The following MIA2 variants were observed in gnomAD, a reference collection of about 807,000 sequenced individuals.
The protein encoded by MIA2 is MIA SH3 domain ER export factor 2.
A neutral mutation model predicts 167.8 loss-of-function variants in MIA2; 127 were observed. The observed-to-expected ratio is 0.76, with a 90% CI of 0.66 to 0.88. MIA2 has a LOEUF of 0.88. Ranked by LOEUF, MIA2 falls within the 40% of genes least tolerant of loss-of-function variation. MIA2 has a pLI of 0.00. For missense variants in MIA2, 1,690 were observed against 1,624.7 expected, an observed-to-expected ratio of 1.04 and a Z score of -0.69; for synonymous variants, 552 against 541.9, an observed-to-expected ratio of 1.02 and a Z score of -0.26.
chr14:39,262,898 G>T (rs992492920), intron 6 of MIA2, among the ~76,000 whole-genome samples: 1 of 152,158 alleles, frequency 6.6e-6, no homozygotes, highest in African/African-American at 2.4e-5. Flanking sequence ...TTGCTTATCA[G>T]CTTAAGGAGA....
chr14:39,307,300 G>A (rs753740907), intron 17 of MIA2, among the ~76,000 whole-genome samples: 6 of 151,794 alleles, frequency 4.0e-5, no homozygotes, highest in Non-Finnish European at 7.4e-5. Flanking sequence ...GAACTTTAGT[G>A]GCGTTTAGCT....
At chr14:39,323,902 A>G (rs911034350) in intron 24 of MIA2, among the ~76,000 whole-genome samples, 1 of 152,228 alleles carries the variant, frequency 6.6e-6, no homozygotes, top group African/African-American at 2.4e-5. Flanking sequence ...CCATTTGTTT[A>G]AAAAGCTACA....
At chr14:39,378,715 C>T (rs1219183947) in intron 23 of MIA2, among the ~76,000 whole-genome samples, 1 of 151,996 alleles carries the variant, frequency 6.6e-6, no homozygotes, top group Non-Finnish European at 1.5e-5. Flanking sequence ...AAATGCAGTC[C>T]AAAGAAGGCT....
intron 6 of MIA2, among the ~76,000 whole-genome samples, chr14:39,264,137 C>A (rs1437704035): frequency 3.9e-5 from 6 of 152,236 alleles, no homozygotes; most frequent in African/African-American, 1.2e-4. Context: ...GTTTATTTTT[C>A]TCATCTTTAT....
At chr14:39,292,611 A>AT (rs1438855920) in intron 10 of MIA2, 96 of 256,782 alleles carry the variant, frequency 3.7e-4, no homozygotes, top group Admixed American at 1.8e-3. Flanking sequence ...TGTAGTATGT[A>AT]TTTTTTTTGC....
intron 10 of MIA2, chr14:39,292,594 A>C (rs942709434): frequency 5.3e-6 from 1 of 189,560 alleles, no homozygotes; most frequent in African/African-American, 2.4e-5. Context: ...TTTTTAAATC[A>C]CTGTAATGTA....
chr14:39,330,248 G>C (rs1190795552), intron 25 of MIA2, among the ~76,000 whole-genome samples: 1 of 152,066 alleles, frequency 6.6e-6, no homozygotes, highest in Admixed American at 6.6e-5. Context: ...TTTCTAGTTT[G>C]TTCACATGGA....
intron 9 of MIA2, 39 bp from the exon 10 acceptor site, chr14:39,290,980 A>G (rs777330091): frequency 5.2e-6 from 8 of 1,540,142 alleles, no homozygotes; most frequent in South Asian, 2.3e-5. Flanking sequence ...TTAGAATACA[A>G]TTGGTAGAGT....
Position 39,279,348 on chromosome 14 carries a change from G to A in MIA2, c.2031G>A (p.Arg677=). The A allele has an allele frequency of 6.2e-7, 1 of 1,607,960 alleles. No individual in the cohort carries two copies. The highest frequency in any genetic ancestry group is 8.5e-7 in the Non-Finnish European group (1 of 1,178,472). Residue 677 remains arginine (R), a synonymous_variant, in exon 8 of 29, where the codon CGG becomes CGA. Transcript: ENST00000640607. ...LWRSFRSVRS[R]LYVGREKKLA... ...AAAATTTGTTTCAGGTTAGGAGTCG[G>A]CTTTATGTGGGTAAGTTCTTTTTTC...
rs2054380804 is a variant in MIA2 at position 39,247,846 on chromosome 14, A to G, written c.1272A>G (p.Glu424=). The G allele has an allele frequency of 6.3e-7, 1 of 1,589,420 alleles. No homozygotes were observed. Among genetic ancestry groups the G allele is most frequent in the South Asian group, 1.2e-5 (1 of 85,234 alleles). The change falls in exon 4 of 29, where the codon GAA becomes GAG. Residue 424 remains glutamate (E), a synonymous_variant. Coordinates refer to ENST00000640607, the MANE Select transcript of MIA2 (RefSeq NM_001329214.4). The part of the protein sequence containing the change: ...PLTSELDPEK[E]QEIETIKIIE... Reference sequence around the variant, plus strand: ...CAAGTGAATTAGACCCTGAAAAAGAACAAGAAATAGAAACGATAAAAATTA... The same window carrying G: ...CAAGTGAATTAGACCCTGAAAAAGAGCAAGAAATAGAAACGATAAAAATTA...
rs1253155735 is a variant in MIA2, at chr14:39,345,966, G to A, written c.3718G>A (p.Gly1240Ser). The part of the protein sequence containing the change: ...QRQDRFCSNS[G>S]RLSGPAELRS... ...GCAAGACAGATTTTGTTCTAATTCT[G>A]GTAGACTGTCTGGACCAGCAGAACT... Residue 1240 changes from glycine (G) to serine (S), a missense_variant, in exon 26 of 29, where the codon GGT becomes AGT. By Grantham distance (56) the Gly-to-Ser change is moderately conservative (BLOSUM62 0). Coordinates refer to ENST00000640607, the MANE Select transcript of MIA2 (RefSeq NM_001329214.4). 1 of 1,611,292 alleles carries A rather than the reference G, an allele frequency of 6.2e-7. No homozygotes were observed. The highest frequency in any genetic ancestry group is 1.3e-5 in the African/African-American group (1 of 74,852).
chr14:39,340,035 G>T (rs1174374262), intron 25 of MIA2, among the ~76,000 whole-genome samples: 1 of 152,072 alleles, frequency 6.6e-6, no homozygotes, highest in Non-Finnish European at 1.5e-5. Flanking sequence ...TAGAGACGGG[G>T]CCTCACTATG....
At chr14:39,361,907 A>G (rs1381662877) in intron 23 of MIA2, among the ~76,000 whole-genome samples, 1 of 152,156 alleles carries the variant, frequency 6.6e-6, no homozygotes, top group Non-Finnish European at 1.5e-5. Context: ...TGTTTTTATA[A>G]TGAAGGGATG....
intron 28 of MIA2, among the ~76,000 whole-genome samples, chr14:39,349,694 T>A (rs1388938859): frequency 2.0e-5 from 3 of 152,206 alleles, no homozygotes. Context: ...TTACTGGAAA[T>A]GTTTTAGTAT....
chr14:39,318,430 A>G (rs1265416829), intron 22 of MIA2, among the ~76,000 whole-genome samples: 1 of 152,278 alleles, frequency 6.6e-6, no homozygotes, highest in Admixed American at 6.5e-5. Flanking sequence ...TTGTTTTACA[A>G]TAATAAAATG....
chr14:39,249,312 T>C (rs570854890), intron 4 of MIA2, among the ~76,000 whole-genome samples: 1 of 152,220 alleles, frequency 6.6e-6, no homozygotes, highest in African/African-American at 2.4e-5. Flanking sequence ...AGCTAATTTA[T>C]TTTTATATGT....
rs1309583966 is a variant in MIA2 at position 39,234,129 on chromosome 14, C to T, written c.15C>T (p.Gly5=). 6.9e-6 allele frequency: 11 copies of T among 1,601,422 alleles called. 1 individual carries two copies. The highest frequency in any genetic ancestry group is 4.6e-5 in the East Asian group (2 of 43,936). MAKF[G]VHRILLLAIS... ...CTTGTTTTAGCATGGCAAAATTTGG[C>T]GTTCACAGAATCCTTCTTCTGGCTA... is the stretch of plus-strand genomic sequence containing the variant. Residue 5 remains glycine (G), a synonymous_variant, in exon 1 of 29, where the codon GGC becomes GGT. Transcript: ENST00000640607.
chr14:39,278,378 C>T (rs896188908), intron 7 of MIA2, among the ~76,000 whole-genome samples: 20 of 152,148 alleles, frequency 1.3e-4, no homozygotes, highest in African/African-American at 4.8e-4. Context: ...TTATGGTTTT[C>T]TATACCTTTT....
Position 39,317,926 on chromosome 14 carries a change from TG to T in MIA2, c.3217-17del, listed in dbSNP as rs2065791229. On this transcript the variant is annotated splice_polypyrimidine_tract_variant and intron_variant, in intron 21 of 28. Transcript: ENST00000640607. ...AGTTTATATAAATATATTTTTAAAA[TG>T]TGTTATTTTCTTCAAGTTGGCAGCT... The T allele has an allele frequency of 6.5e-7, 1 of 1,530,662 alleles. No homozygotes were observed. Among genetic ancestry groups the T allele is most frequent in the Non-Finnish European group, 8.8e-7 (1 of 1,136,284 alleles). The allele number at this position is 1,530,662 out of a possible 1,614,324, so 94.8% of individuals were successfully genotyped here.
Sources: gnomAD v4.1 joint callset for allele counts (sites outside exome capture counted in the v4.1 genomes callset) on GRCh38, gnomAD v4.1.1 for gene constraint, MANE v1.5 for transcripts, NCBI Gene and HGNC (gene_info 2026-07-23, HGNC 2026-07-21) for gene names.